The following ACTR6 variants were observed in gnomAD, a reference collection of about 807,000 sequenced individuals.
The protein encoded by ACTR6 is actin related protein 6.
A neutral mutation model predicts 52.5 loss-of-function variants in ACTR6; 50 were observed. The observed-to-expected ratio is 0.95, with a 90% CI of 0.76 to 1.20. The LOEUF (loss-of-function observed/expected upper bound fraction) is 1.20, where lower values mean the gene tolerates loss of function less well. Among genes scored for constraint, ACTR6 ranks in the 50% most tolerant of loss-of-function variants. The pLI is 0.00. For synonymous variants in ACTR6, 135 were observed against 147.2 expected, an observed-to-expected ratio of 0.92 and a Z score of 0.60; for missense variants, 344 against 472.4, an observed-to-expected ratio of 0.73 and a Z score of 2.52.
At chr12:100,214,738 TAAAAACAAAAGAAACA>T (rs1402385709) in intron 8 of ACTR6, among the ~76,000 whole-genome samples, 9 of 152,074 alleles carry the variant, frequency 5.9e-5, no homozygotes, top group East Asian at 3.9e-4. Context: ...CCTGTCTCTT[TAAAAACAAAAGAAACA>T]AAAAACAAAA....
At chr12:100,220,721 G>A (rs573585645) in intron 10 of ACTR6, among the ~76,000 whole-genome samples, 3 of 152,254 alleles carry the variant, frequency 2.0e-5, no homozygotes, top group African/African-American at 7.2e-5. Context: ...AGGGCCAGGC[G>A]CAGTGGCTCT....
Position 100,224,004 on chromosome 12 carries a change from C to G in ACTR6, c.*89C>G. On this transcript the variant is annotated 3_prime_UTR_variant, in exon 11 of 11. Coordinates refer to ENST00000188312, the MANE Select transcript of ACTR6 (RefSeq NM_022496.5). ...TTAAGGAACTGTGTTACCTTTTGTC[C>G]TAAGAAAAAGGCTTGAATTTATGTA... 1.4e-6 allele frequency: 2 copies of G among 1,419,596 alleles called. No individual in the cohort carries two copies. The highest frequency in any genetic ancestry group is 1.9e-6 in the Non-Finnish European group (2 of 1,065,492). 87.9% of individuals were successfully genotyped at this position (1,419,596 alleles called of 1,614,324 possible).
intron 8 of ACTR6, among the ~76,000 whole-genome samples, chr12:100,217,534 T>C (rs756541109): frequency 6.6e-6 from 1 of 152,180 alleles, no homozygotes; most frequent in East Asian, 1.9e-4. Flanking sequence ...ATTTAGAATA[T>C]TGTGGAAGGA....
intron 3 of ACTR6, among the ~76,000 whole-genome samples, chr12:100,206,834 C>CTT (rs757011274): frequency 0.04 from 5,098 of 128,704 alleles, 357 homozygotes; most frequent in African/African-American, 0.14. Context: ...ACACCTGGCT[C>CTT]TTTTTTTTTT....
At chr12:100,204,852 A>G in intron 1 of ACTR6, 88 bp from the exon 2 acceptor site, 2 of 806,344 alleles carry the variant, frequency 2.5e-6, no homozygotes, top group Non-Finnish European at 4.2e-6. Flanking sequence ...GGATACGCTA[A>G]TCTTTTGGCA....
At chr12:100,223,688 C>T in intron 10 of ACTR6, 98 bp from the exon 11 acceptor site, 2 of 1,435,818 alleles carry the variant, frequency 1.4e-6, no homozygotes, top group Non-Finnish European at 1.9e-6. Context: ...GCAAAAAAAA[C>T]ACAAATTACT....
intron 8 of ACTR6, 132 bp downstream of exon 8, chr12:100,212,660 TA>T (rs146130082): frequency 2.6e-3 from 1,509 of 571,778 alleles, no homozygotes; most frequent in Non-Finnish European, 3.0e-3. Flanking sequence ...ATTATAAAAT[TA>T]AAAAAAAAAT....
At chr12:100,216,222 C>T (rs182110420) in intron 8 of ACTR6, among the ~76,000 whole-genome samples, 1 of 152,246 alleles carries the variant, frequency 6.6e-6, no homozygotes, top group African/African-American at 2.4e-5. Context: ...GCGGTGTGAT[C>T]ACAGCTCACT....
chr12:100,201,771 A>G (rs916213211), intron 1 of ACTR6, among the ~76,000 whole-genome samples: 1 of 152,124 alleles, frequency 6.6e-6, no homozygotes, highest in Admixed American at 6.5e-5. Context: ...ATAGGCGTGC[A>G]CCACCACTCC....
Position 100,212,735 on chromosome 12 carries a change from G to A in ACTR6, c.750+207G>A, listed in dbSNP as rs541310488. Among the ~76,000 whole-genome samples the A allele has an allele frequency of 9.2e-5, 14 of 152,144 alleles. No individual in the cohort carries two copies. The South Asian group carries it at 1.2e-3, about 14-fold the overall frequency. ...AAGAATTTCATTTAGGCCAGCCACCGTGGCTCACACCTGTAATCCCAGCAC... is the reference window on the plus strand; with the variant it reads ...AAGAATTTCATTTAGGCCAGCCACCATGGCTCACACCTGTAATCCCAGCAC... On this transcript the variant is annotated intron_variant, in intron 8 of 10. Coordinates refer to ENST00000188312, the MANE Select transcript of ACTR6 (RefSeq NM_022496.5).
intron 10 of ACTR6, among the ~76,000 whole-genome samples, chr12:100,220,917 G>T (rs1426620970): frequency 6.6e-6 from 1 of 151,858 alleles, no homozygotes; most frequent in Non-Finnish European, 1.5e-5. Context: ...AGCCCAGGAG[G>T]TGGAGGTTGG....
At position 100,210,292 on chromosome 12, in the gene ACTR6, C is replaced by A. The variant is rs2096118770; in HGVS notation, c.516-3C>A. 4 of 1,613,854 alleles carry A rather than the reference C, an allele frequency of 2.5e-6. No individual in the cohort carries two copies. The African/African-American group carries it at 4.0e-5, about 16-fold the overall frequency. ...TAATTAAATTTGAGTTCTCCCCTTG[C>A]AGGATAAATGTGGGAGGAAAACTCT... On this transcript the variant is annotated splice_region_variant and splice_polypyrimidine_tract_variant and intron_variant, in intron 5 of 10. Transcript: ENST00000188312.
chr12:100,202,177 T>C (rs2096110295), intron 1 of ACTR6, among the ~76,000 whole-genome samples: 1 of 152,140 alleles, frequency 6.6e-6, no homozygotes, highest in South Asian at 2.1e-4. Context: ...GTGATCTGCC[T>C]GCTTCAGCCT....
chr12:100,213,153 C>T (rs1019975471), intron 8 of ACTR6, among the ~76,000 whole-genome samples: 3 of 151,656 alleles, frequency 2.0e-5, no homozygotes, highest in Non-Finnish European at 2.9e-5. Context: ...TGCAATGGTG[C>T]GATCACAGCA....
In ACTR6 at chr12:100,208,680, C is replaced by A. The variant is rs1248090195; in HGVS notation, c.379+894C>A. ...TAATGAAGTTACTGGCCACATATTT[C>A]TTATTTCTGAAAGATTCTGAGGTAG... On this transcript the variant is annotated intron_variant, in intron 4 of 10. Transcript: ENST00000188312. 5.9e-5 allele frequency: 27 copies of A among 455,296 alleles called. 1 individual carries two copies. Among genetic ancestry groups the A allele is most frequent in the Middle Eastern group, 6.5e-4 (2 of 3,088 alleles). The allele number at this position is 455,296 out of a possible 1,614,324, so 28.2% of individuals were successfully genotyped here. A position where few individuals can be genotyped will look rare whatever the true frequency, so the allele number is the denominator to read the frequency against.
At chr12:100,211,662 G>A (rs1450027596) in intron 6 of ACTR6, among the ~76,000 whole-genome samples, 3 of 152,088 alleles carry the variant, frequency 2.0e-5, no homozygotes, top group Non-Finnish European at 4.4e-5. Context: ...ACTGGTGGGA[G>A]AATGAATACT....
At chr12:100,213,506 A>G (rs1264969610) in intron 8 of ACTR6, among the ~76,000 whole-genome samples, 1 of 152,250 alleles carries the variant, frequency 6.6e-6, no homozygotes, top group African/African-American at 2.4e-5. Flanking sequence ...CAGCCAAAAG[A>G]TAGCACATAG....
At chr12:100,213,426 C>T (rs1299269949) in intron 8 of ACTR6, among the ~76,000 whole-genome samples, 1 of 152,058 alleles carries the variant, frequency 6.6e-6, no homozygotes, top group African/African-American at 2.4e-5. Flanking sequence ...TTCCTGCTGG[C>T]CATTTCACCC....
At chr12:100,201,120 GC>G (rs1293042876) in intron 1 of ACTR6, 7 of 1,364,620 alleles carry the variant, frequency 5.1e-6, no homozygotes, top group Non-Finnish European at 6.7e-6. Flanking sequence ...GGGCTGCGAG[GC>G]CCCGGAAGTG....
Sources: gnomAD v4.1 joint callset for allele counts (sites outside exome capture counted in the v4.1 genomes callset) on GRCh38, gnomAD v4.1.1 for gene constraint, MANE v1.5 for transcripts, NCBI Gene and HGNC (gene_info 2026-07-23, HGNC 2026-07-21) for gene names.